The following SLC37A3 variants were observed in gnomAD, a reference collection of about 807,000 sequenced individuals.
SLC37A3 encodes sugar phosphate exchanger 3.
A neutral mutation model predicts 67.1 loss-of-function variants in SLC37A3; 51 were observed. That is an observed-to-expected ratio of 0.76 (90% confidence interval 0.61 to 0.96). SLC37A3 has a LOEUF of 0.96. Among genes scored for constraint, SLC37A3 ranks in the 40% least tolerant of loss-of-function variants. The pLI, the probability that SLC37A3 is intolerant of heterozygous loss-of-function variation, is 0.00. For missense variants in SLC37A3, 508 were observed against 603.0 expected (o/e 0.84, Z 1.65); for synonymous variants, 214 against 231.4 (o/e 0.92, Z 0.68).
chr7:140,337,210 G>A (rs1796175761), intron 14 of SLC37A3, 74 bp downstream of exon 14: 1 of 1,210,154 alleles, frequency 8.3e-7, no homozygotes, highest in Non-Finnish European at 1.1e-6. Context: ...TTTTGCTGAA[G>A]TGACTTAAGT....
At chr7:140,364,180 G>A (rs905833870) in intron 5 of SLC37A3, among the ~76,000 whole-genome samples, 10 of 151,644 alleles carry the variant, frequency 6.6e-5, no homozygotes, top group Admixed American at 6.6e-4. Context: ...GAACATGGGA[G>A]GCAGAGGTTG....
intron 5 of SLC37A3, among the ~76,000 whole-genome samples, chr7:140,361,490 T>C (rs1324704553): frequency 5.4e-5 from 3 of 55,358 alleles, no homozygotes; most frequent in Non-Finnish European, 3.3e-5. Context: ...ACACACAGCC[T>C]CTCCCTCCCC....
chr7:140,376,151 C>T (rs1309154709), intron 3 of SLC37A3, among the ~76,000 whole-genome samples: 1 of 152,192 alleles, frequency 6.6e-6, no homozygotes, highest in African/African-American at 2.4e-5. Context: ...CTTTTTTCTG[C>T]TTCACTGCCA....
chr7:140,363,740 C>CAAAAAAAAAAAAAAAAAAA (rs71170980), intron 5 of SLC37A3, among the ~76,000 whole-genome samples: 1 of 107,862 alleles, frequency 9.3e-6, no homozygotes, highest in African/African-American at 3.6e-5. Context: ...AACTCCGCCT[C>CAAAAAAAAAAAAAAAAAAA]AAAAAAAAAA....
intron 6 of SLC37A3, among the ~76,000 whole-genome samples, chr7:140,357,430 T>G (rs543068046): frequency 5.9e-4 from 89 of 152,048 alleles, no homozygotes; most frequent in African/African-American, 2.0e-3. Context: ...ATAATTATGC[T>G]GAATGAAAGA....
intron 1 of SLC37A3, chr7:140,387,019 A>G (rs746126026): frequency 6.6e-6 from 1 of 152,242 alleles, no homozygotes; most frequent in African/African-American, 2.4e-5. Context: ...TTTATCATGT[A>G]CAACACATTT....
At position 140,335,318 on chromosome 7, in the gene SLC37A3, C is replaced by G. The variant is rs533055947; in HGVS notation, c.*94G>C. ...AGACGCCTGACAATCCAAGATCAGG[C>G]TGGAGCTCCTAGACAAACCCAAATT... On this transcript the variant is annotated 3_prime_UTR_variant, in exon 15 of 15. Coordinates refer to ENST00000326232, the MANE Select transcript of SLC37A3 (RefSeq NM_207113.3). 5.6e-6 allele frequency: 9 copies of G among 1,614,160 alleles called. No homozygotes were observed. The highest frequency in any genetic ancestry group is 4.0e-5 in the African/African-American group (3 of 75,034).
chr7:140,387,605 A>C (rs1798505428), intron 1 of SLC37A3, among the ~76,000 whole-genome samples: 1 of 132,608 alleles, frequency 7.5e-6, no homozygotes. Flanking sequence ...AAAGACTGAG[A>C]CTCCATCTAA....
intron 1 of SLC37A3, among the ~76,000 whole-genome samples, chr7:140,386,029 C>T (rs1798435873): frequency 6.6e-6 from 1 of 152,206 alleles, no homozygotes; most frequent in African/African-American, 2.4e-5. Context: ...ATGATCCACC[C>T]ACCTTGGCCT....
At chr7:140,360,467 C>T (rs1286305287) in intron 5 of SLC37A3, among the ~76,000 whole-genome samples, 2 of 152,118 alleles carry the variant, frequency 1.3e-5, no homozygotes, top group East Asian at 3.8e-4. Flanking sequence ...GGCACGGTGG[C>T]TCACCCCTGT....
At chr7:140,383,210 A>G (rs1798323902) in intron 1 of SLC37A3, among the ~76,000 whole-genome samples, 1 of 152,082 alleles carries the variant, frequency 6.6e-6, no homozygotes, top group Non-Finnish European at 1.5e-5. Flanking sequence ...AAAAAAAAAA[A>G]AAGAATTTCC....
chr7:140,358,602 C>T (rs1335468100), intron 6 of SLC37A3, 38 bp downstream of exon 6: 1 of 1,612,964 alleles, frequency 6.2e-7, no homozygotes, highest in South Asian at 1.1e-5. Flanking sequence ...ATGGAAACCA[C>T]TTAAACAGAG....
At chr7:140,374,589 AGGCAGGACGATCCCTTGAG>A (rs1431683448) in intron 3 of SLC37A3, among the ~76,000 whole-genome samples, 5 of 152,070 alleles carry the variant, frequency 3.3e-5, no homozygotes, top group African/African-American at 1.2e-4. Flanking sequence ...TGGGAGGCCC[AGGCAGGACGATCCCTTGAG>A]GGCAGGAGGA....
At chr7:140,380,507 G>A in intron 2 of SLC37A3, 117 bp from the exon 3 acceptor site, 1 of 691,206 alleles carries the variant, frequency 1.4e-6, no homozygotes, top group Non-Finnish European at 2.4e-6. Flanking sequence ...TTGGTGGGCA[G>A]CCACCTGAAC....
rs1365852232 is a variant in SLC37A3, at chr7:140,369,497, C to T, written c.291+93G>A. 1.4e-5 allele frequency: 13 copies of T among 959,736 alleles called. No individual in the cohort carries two copies. The Admixed American group carries it at 1.8e-4, about 13-fold the overall frequency. The allele number at this position is 959,736 out of a possible 1,614,324, so 59.5% of individuals were successfully genotyped here. ...AAATACTGAACTCTGCCTCAGTCAG[C>T]AAATTCAAAATCCCTTACAAATTTT... On this transcript the variant is annotated intron_variant, in intron 4 of 14. Transcript: ENST00000326232.
At chr7:140,391,480 C>T (rs774840887) in intron 1 of SLC37A3, among the ~76,000 whole-genome samples, 1 of 152,158 alleles carries the variant, frequency 6.6e-6, no homozygotes, top group Admixed American at 6.5e-5. Flanking sequence ...CACTTAAAAC[C>T]GGGAGGCAGA....
Position 140,334,570 on chromosome 7 carries a change from A to G in SLC37A3, c.*842T>C, listed in dbSNP as rs1796060894. On this transcript the variant is annotated 3_prime_UTR_variant, in exon 15 of 15. Transcript: ENST00000326232. Reference sequence around the variant, plus strand: ...AGAGGATCCTAAGTTCCCAGACAACAAATCTGGGATGGAGTGCTTCGGCTG... The same window carrying G: ...AGAGGATCCTAAGTTCCCAGACAACGAATCTGGGATGGAGTGCTTCGGCTG... 6.6e-6 allele frequency: 1 copy of G among 152,612 alleles called. No homozygotes were observed. The highest frequency in any genetic ancestry group is 6.5e-5 in the Admixed American group (1 of 15,282). The allele number at this position is 152,612 out of a possible 1,614,324, so 9.5% of individuals were successfully genotyped here.
chr7:140,340,128 G>T (rs1796302432), intron 13 of SLC37A3, among the ~76,000 whole-genome samples: 1 of 152,192 alleles, frequency 6.6e-6, no homozygotes, highest in Non-Finnish European at 1.5e-5. Flanking sequence ...GACTAAGGAT[G>T]CTGAGACTCT....
chr7:140,337,372 T>A (rs746754457), intron 13 of SLC37A3, 23 bp from the exon 14 acceptor site: 1 of 1,541,760 alleles, frequency 6.5e-7, no homozygotes, highest in Non-Finnish European at 8.8e-7. Context: ...AAAAAAAAAT[T>A]ACAATATAAT....
Sources: gnomAD v4.1 joint callset for allele counts (sites outside exome capture counted in the v4.1 genomes callset) on GRCh38, gnomAD v4.1.1 for gene constraint, MANE v1.5 for transcripts, NCBI Gene and HGNC (gene_info 2026-07-23, HGNC 2026-07-21) for gene names.